The following RNF32 variants were observed in gnomAD, a reference collection of about 807,000 sequenced individuals.
The protein encoded by RNF32 is ring finger protein 32.
In RNF32, 36 loss-of-function variants were observed where a neutral mutation model predicts 41.0. That is an observed-to-expected ratio of 0.88 (90% confidence interval 0.67 to 1.16). RNF32 has a LOEUF of 1.16. Ranked by LOEUF, RNF32 falls within the 50% of genes most tolerant of loss-of-function variation. The probability of loss-of-function intolerance (pLI) is 0.00; values close to 1 mark genes in which losing one functional copy is unlikely to be tolerated. For missense variants in RNF32, 413 were observed against 436.7 expected, an observed-to-expected ratio of 0.95 and a Z score of 0.48; for synonymous variants, 154 against 160.9, an observed-to-expected ratio of 0.96 and a Z score of 0.32.
intron 4 of RNF32, among the ~76,000 whole-genome samples, chr7:156,657,278 C>T (rs1305940866): frequency 6.6e-6 from 1 of 152,080 alleles, no homozygotes; most frequent in African/African-American, 2.4e-5. Flanking sequence ...CATTGTTTCG[C>T]TCTTAAGTAT....
chr7:156,644,566 A>C lies in RNF32; in HGVS notation c.83A>C (p.Asp28Ala). The C allele has an allele frequency of 1.2e-6, 2 of 1,612,814 alleles. No homozygotes were observed. The highest frequency in any genetic ancestry group is 1.7e-6 in the Non-Finnish European group (2 of 1,179,072). Residue 28 changes from aspartate to alanine, a missense_variant, in exon 3 of 9, where the codon GAT becomes GCT. Transcript: ENST00000317955. ...AVALQDHILH[D>A]LQLRNLSVAD... ...GCTTTACAAGATCACATTTTACATG[A>C]TCTTCAACTTCGAAATCTTTCAGTT...
chr7:156,657,708 A>G, intron 5 of RNF32, 135 bp downstream of exon 5: 1 of 843,442 alleles, frequency 1.2e-6, no homozygotes, highest in Non-Finnish European at 2.0e-6. Flanking sequence ...TTAAAGAAAC[A>G]TGACTGTAGG....
chr7:156,648,595 A>G (rs999056139), intron 3 of RNF32, among the ~76,000 whole-genome samples: 6 of 152,086 alleles, frequency 3.9e-5, no homozygotes, highest in African/African-American at 1.4e-4. Context: ...TTTTTTCAGG[A>G]CCTCTTTATG....
chr7:156,667,535 T>C (rs895473651), intron 7 of RNF32, among the ~76,000 whole-genome samples: 3 of 152,248 alleles, frequency 2.0e-5, no homozygotes, highest in Non-Finnish European at 4.4e-5. Flanking sequence ...AAATTCATAA[T>C]ATCAACCACT....
chr7:156,664,921 A>G (rs1801145996), intron 7 of RNF32, among the ~76,000 whole-genome samples: 1 of 152,202 alleles, frequency 6.6e-6, no homozygotes, highest in South Asian at 2.1e-4. Context: ...AAAAAGAGAA[A>G]ATTGAACTGC....
At chr7:156,664,232 C>T (rs1323063297) in intron 7 of RNF32, among the ~76,000 whole-genome samples, 1 of 152,194 alleles carries the variant, frequency 6.6e-6, no homozygotes, top group Non-Finnish European at 1.5e-5. Context: ...GAGGCTGAGG[C>T]GGGGGCATCA....
At chr7:156,676,237 A>ATGTG (rs140092411) in intron 8 of RNF32, 182 bp from the exon 9 acceptor site, 79 of 1,360,470 alleles carry the variant, frequency 5.8e-5, no homozygotes, top group African/African-American at 2.6e-4. Flanking sequence ...AACAGAGTAT[A>ATGTG]TGTGTGTGTA....
At position 156,669,578 on chromosome 7, in the gene RNF32, G is replaced by C. The variant is rs1409673905; in HGVS notation, c.685-6118G>C. Among the ~76,000 whole-genome samples, 1 of 152,180 alleles carries C rather than the reference G, an allele frequency of 6.6e-6. No homozygotes were observed. The highest frequency in any genetic ancestry group is 1.5e-5 in the Non-Finnish European group (1 of 68,026). On this transcript the variant is annotated intron_variant, in intron 7 of 8. Coordinates refer to ENST00000317955, the MANE Select transcript of RNF32 (RefSeq NM_030936.4). This position sits in a 1 kb window ranked among gnomAD's most constrained non-coding sequence, Gnocchi z 4.2. ...CCTTCCAGGACCCAGACCCCTGTGA[G>C]GCCCTGAGCTGGGCGCTGAGCAGAT...
chr7:156,640,985 T>C (rs74678591), intron 1 of RNF32, 174 bp downstream of exon 1: 6,028 of 168,664 alleles, frequency 0.036, 171 homozygotes, highest in Non-Finnish European at 0.053. Context: ...CGCAGCCTCC[T>C]TGGGGGACTC....
chr7:156,668,567 C>G (rs1801742531), intron 7 of RNF32, among the ~76,000 whole-genome samples: 1 of 152,214 alleles, frequency 6.6e-6, no homozygotes, highest in South Asian at 2.1e-4. Context: ...TCCCAGGTCC[C>G]CGTCCCACTG....
intron 7 of RNF32, among the ~76,000 whole-genome samples, chr7:156,664,893 C>CAA (rs1801141988): frequency 6.6e-6 from 1 of 151,996 alleles, no homozygotes; most frequent in African/African-American, 2.4e-5. Flanking sequence ...CACCAAGAAA[C>CAA]AAACATATGT....
chr7:156,674,617 G>C (rs974008066), intron 7 of RNF32, among the ~76,000 whole-genome samples: 2 of 152,160 alleles, frequency 1.3e-5, no homozygotes, highest in Admixed American at 6.5e-5. Flanking sequence ...CCGAGGCTGA[G>C]TGAGCATTGA....
chr7:156,654,515 A>G, intron 3 of RNF32, 61 bp from the exon 4 acceptor site: 1 of 1,465,006 alleles, frequency 6.8e-7, no homozygotes. Context: ...CATTAAAGTT[A>G]TAGGTGGGTG....
chr7:156,647,998 A>G (rs1585009344), intron 3 of RNF32, among the ~76,000 whole-genome samples: 1 of 147,832 alleles, frequency 6.8e-6, no homozygotes, highest in Non-Finnish European at 1.5e-5. Flanking sequence ...ATCTGTTCGT[A>G]TCATTTGCCC....
upstream of RNF32, chr7:156,640,717 G>A (rs1797164875): frequency 7.1e-6 from 2 of 280,814 alleles, no homozygotes. Flanking sequence ...GAGCGCGGAG[G>A]CGGGCGTTGC....
intron 5 of RNF32, 93 bp from the exon 6 acceptor site, chr7:156,658,035 A>G (rs1450508894): frequency 7.6e-7 from 1 of 1,312,916 alleles, no homozygotes; most frequent in South Asian, 1.4e-5. Flanking sequence ...TATGGGAGAA[A>G]AGAACACTAT....
At chr7:156,654,841 C>A in intron 4 of RNF32, 123 bp downstream of exon 4, 1 of 831,750 alleles carries the variant, frequency 1.2e-6, no homozygotes, top group African/African-American at 1.7e-5. Context: ...GTGAGCCTCA[C>A]ACACTTCCAT....
At chr7:156,642,776 G>T (rs760488561) in intron 1 of RNF32, among the ~76,000 whole-genome samples, 1 of 152,178 alleles carries the variant, frequency 6.6e-6, no homozygotes, top group East Asian at 1.9e-4. Flanking sequence ...TTGGGATGTG[G>T]GAGGAACCCG....
chr7:156,654,228 A>G (rs998413700), intron 3 of RNF32: 2 of 160,210 alleles, frequency 1.2e-5, no homozygotes, highest in African/African-American at 4.8e-5. Context: ...TAACAATACA[A>G]CAATATAATA....
Sources: gnomAD v4.1 joint callset for allele counts (sites outside exome capture counted in the v4.1 genomes callset) on GRCh38, gnomAD v4.1.1 for gene constraint, Gnocchi (gnomAD v3.1) non-coding constraint, MANE v1.5 for transcripts, NCBI Gene and HGNC (gene_info 2026-07-23, HGNC 2026-07-21) for gene names.